The following VPS13B variants were observed in gnomAD, a reference collection of about 807,000 sequenced individuals.
The protein encoded by VPS13B is vacuolar protein sorting 13 homolog B.
Under a neutral mutation model 426.4 loss-of-function variants are expected in VPS13B, and 285 were observed. The ratio of observed to expected loss-of-function variants is 0.67; its 90% confidence interval spans 0.61 to 0.74. VPS13B has a LOEUF of 0.74. Among genes scored for constraint, VPS13B ranks in the 30% least tolerant of loss-of-function variants. The pLI, the probability that VPS13B is intolerant of heterozygous loss-of-function variation, is 0.00. For missense variants in VPS13B, 4,537 were observed against 4,782.6 expected, an observed-to-expected ratio of 0.95 and a Z score of 1.51; for synonymous variants, 1,676 against 1,676.4, an observed-to-expected ratio of 1.00 and a Z score of 0.01.
At chr8:99,405,354 G>A (rs1815267066) in intron 21 of VPS13B, among the ~76,000 whole-genome samples, 1 of 152,082 alleles carries the variant, frequency 6.6e-6, no homozygotes, top group Non-Finnish European at 1.5e-5. Flanking sequence ...TGAGACCTAG[G>A]ATTCATCCTT....
chr8:99,581,188 A>G (rs912064945), intron 33 of VPS13B, among the ~76,000 whole-genome samples: 8 of 152,132 alleles, frequency 5.3e-5, no homozygotes, highest in African/African-American at 1.7e-4. Context: ...TCTCAAAAAA[A>G]AAAAAGTATA....
chr8:99,737,106 CTTTTTTTTTTTTTTTTTTTTTT>C lies in VPS13B; in HGVS notation c.7050+16070_7050+16091del, dbSNP rs386413466. Among the ~76,000 whole-genome samples the C allele has an allele frequency of 1.6e-4, 7 of 44,360 alleles. 1 individual carries two copies. Among genetic ancestry groups the C allele is most frequent in the Non-Finnish European group, 2.0e-4 (5 of 25,008 alleles). The allele number at this position is 44,360 out of a possible 152,430, so 29.1% of individuals were successfully genotyped here. A position where few individuals can be genotyped will look rare whatever the true frequency, so the allele number is the denominator to read the frequency against. ...CAGGAAAGCCTTTGAAGATGTCCTT[CTTTTTTTTTTTTTTTTTTTTTT>C]TTTTTTTTTTGAGACAGAGTCTCGC... On this transcript the variant is annotated intron_variant, in intron 39 of 61. Coordinates refer to ENST00000357162, the MANE Select transcript of VPS13B (RefSeq NM_152564.5).
rs572382811 is a variant in VPS13B at position 99,643,955 on chromosome 8, C to A, written c.5908+1457C>A. On this transcript the variant is annotated intron_variant, in intron 34 of 61. Coordinates refer to ENST00000357162, the MANE Select transcript of VPS13B (RefSeq NM_152564.5). Reference sequence around the variant, plus strand: ...TACCTGATACCTGCTTGCAAGTCTGCTTGGCGTTAGCCAAAACTTAAGTGC... The same window carrying A: ...TACCTGATACCTGCTTGCAAGTCTGATTGGCGTTAGCCAAAACTTAAGTGC... Among the ~76,000 whole-genome samples the A allele has an allele frequency of 7.2e-5, 11 of 152,296 alleles. No homozygotes were observed. The South Asian group carries it at 2.3e-3, about 32-fold the overall frequency.
chr8:99,428,882 A>G (rs1018707973), intron 21 of VPS13B, among the ~76,000 whole-genome samples: 4 of 152,162 alleles, frequency 2.6e-5, no homozygotes, highest in Admixed American at 2.0e-4. Flanking sequence ...AACCAACCCA[A>G]ATGTCCAACA....
Position 99,577,608 on chromosome 8 carries a change from T to A in VPS13B, c.5195T>A (p.Leu1732Gln). ...HQLIVANMTGLEPSNKAAEIS... is the reference protein window; with the variant it reads ...HQLIVANMTGQEPSNKAAEIS... The stretch of plus-strand genomic sequence containing the variant: ...TTAATAGTAGCAAATATGACTGGAC[T>A]GGAACCATCAAACAAGGCTGCAGAG... Residue 1732 changes from leucine to glutamine, a missense_variant, in exon 33 of 62, where the codon CTG becomes CAG. Leu to Gln is a moderately radical substitution (Grantham distance 113). Around this residue, in one of 2 missense-constraint regions of VPS13B, gnomAD observed 4,311 missense variants for 4,474.3 expected, o/e 0.96. Transcript: ENST00000357162. 1.2e-6 allele frequency: 2 copies of A among 1,613,820 alleles called. No homozygotes were observed. The highest frequency in any genetic ancestry group is 4.5e-5 in the East Asian group (2 of 44,864).
At chr8:99,597,847 TTCTAAG>T (rs1827095546) in intron 33 of VPS13B, among the ~76,000 whole-genome samples, 1 of 152,012 alleles carries the variant, frequency 6.6e-6, no homozygotes. Flanking sequence ...TCTTACAGTA[TTCTAAG>T]TCTGAGATGA....
At chr8:99,609,302 T>C (rs564773444) in intron 33 of VPS13B, among the ~76,000 whole-genome samples, 2 of 152,334 alleles carry the variant, frequency 1.3e-5, no homozygotes, top group South Asian at 2.1e-4. Context: ...AATATCAAAA[T>C]TCACATTGGT....
intron 35 of VPS13B, among the ~76,000 whole-genome samples, chr8:99,681,630 C>T (rs941392531): frequency 5.3e-5 from 8 of 152,062 alleles, no homozygotes; most frequent in African/African-American, 1.9e-4. Context: ...ATAGTGCCAC[C>T]ACACTCCAGC....
chr8:99,646,124 G>A (rs917828088), intron 34 of VPS13B, among the ~76,000 whole-genome samples: 7 of 152,200 alleles, frequency 4.6e-5, no homozygotes, highest in African/African-American at 1.4e-4. Context: ...AATGTTCTAA[G>A]AAAGGTCCAG....
At chr8:99,038,347 T>A in intron 2 of VPS13B, 76 bp from the exon 3 acceptor site, 1 of 1,269,656 alleles carries the variant, frequency 7.9e-7, no homozygotes, top group Non-Finnish European at 1.1e-6. Flanking sequence ...TTTTATTTTT[T>A]AAAAAAGAAA....
chr8:99,724,146 A>T (rs970882075), intron 39 of VPS13B, among the ~76,000 whole-genome samples: 5 of 152,212 alleles, frequency 3.3e-5, no homozygotes, highest in African/African-American at 1.2e-4. Context: ...CATATGTAAC[A>T]TGAATCACAA....
intron 17 of VPS13B, among the ~76,000 whole-genome samples, chr8:99,194,300 G>T (rs989703627): frequency 4.6e-5 from 7 of 152,166 alleles, no homozygotes; most frequent in African/African-American, 1.7e-4. Context: ...ATTTTAGTGT[G>T]TATATAAACA....
At chr8:99,259,069 A>G (rs1319819085) in intron 17 of VPS13B, among the ~76,000 whole-genome samples, 1 of 152,094 alleles carries the variant, frequency 6.6e-6, no homozygotes, top group Non-Finnish European at 1.5e-5. Context: ...CAAATGCACT[A>G]TTAACCACTG....
chr8:99,039,437 T>G (rs1842881184), intron 3 of VPS13B, among the ~76,000 whole-genome samples: 1 of 152,122 alleles, frequency 6.6e-6, no homozygotes, highest in African/African-American at 2.4e-5. Context: ...CTACCAAAAA[T>G]TTTCCAATCT....
intron 33 of VPS13B, among the ~76,000 whole-genome samples, chr8:99,599,428 G>A (rs72674676): frequency 0.19 from 28,346 of 151,928 alleles, 3,232 homozygotes; most frequent in East Asian, 0.45. Flanking sequence ...AAATATTTGT[G>A]CAGAAGGAGG....
chr8:99,625,203 A>G (rs538647309), intron 33 of VPS13B, among the ~76,000 whole-genome samples: 132 of 152,248 alleles, frequency 8.7e-4, no homozygotes, highest in African/African-American at 3.1e-3. Flanking sequence ...AACTATGTAT[A>G]TTATCATCTA....
At chr8:99,081,824 G>A (rs192390941) in intron 3 of VPS13B, among the ~76,000 whole-genome samples, 41 of 152,020 alleles carry the variant, frequency 2.7e-4, no homozygotes, top group Non-Finnish European at 5.0e-4. Context: ...GTATTCCATC[G>A]TGTATATGTG....
chr8:99,435,485 T>C (rs1817322430), intron 22 of VPS13B, among the ~76,000 whole-genome samples: 1 of 152,166 alleles, frequency 6.6e-6, no homozygotes, highest in Non-Finnish European at 1.5e-5. Context: ...CAGAAATCTT[T>C]GCACTATCGA....
intron 57 of VPS13B, among the ~76,000 whole-genome samples, chr8:99,860,022 T>C (rs1041358678): frequency 2.0e-5 from 3 of 152,214 alleles, no homozygotes; most frequent in African/African-American, 7.2e-5. Context: ...GACAGTGTTT[T>C]AGTTTTATCT....
Sources: gnomAD v4.1 joint callset for allele counts (sites outside exome capture counted in the v4.1 genomes callset) on GRCh38, gnomAD v4.1.1 for gene constraint, gnomAD v4.1.1 regional missense constraint, MANE v1.5 for transcripts, NCBI Gene and HGNC (gene_info 2026-07-23, HGNC 2026-07-21) for gene names.